FAM117B: variants seen among roughly 807,000 people sequenced by gnomAD.
FAM117B encodes protein FAM117B.
FAM117B carries 22 observed loss-of-function variants against 52.8 expected under a neutral mutation model. That is an observed-to-expected ratio of 0.42 (90% CI 0.30 to 0.59). The LOEUF (loss-of-function observed/expected upper bound fraction) is 0.59, where lower values mean the gene tolerates loss of function less well. Ranked by LOEUF, FAM117B falls within the 20% of genes least tolerant of loss-of-function variation. The pLI is 0.22. For synonymous variants in FAM117B, 309 were observed against 324.1 expected (o/e 0.95, Z 0.50); for missense variants, 678 against 802.6 (o/e 0.84, Z 1.88).
At chr2:202,720,016 A>G (rs1279687742) in intron 2 of FAM117B, among the ~76,000 whole-genome samples, 3 of 152,152 alleles carry the variant, frequency 2.0e-5, no homozygotes, top group Non-Finnish European at 4.4e-5. Flanking sequence ...AGTGATGTTA[A>G]GTTTGATCCA....
intron 2 of FAM117B, among the ~76,000 whole-genome samples, chr2:202,714,610 T>C (rs1217349739): frequency 5.5e-4 from 78 of 142,880 alleles, no homozygotes; most frequent in Non-Finnish European, 1.0e-3. Context: ...AGGACAATAG[T>C]GGAGGGAAGG....
chr2:202,686,601 A>G (rs1358706816), intron 1 of FAM117B, among the ~76,000 whole-genome samples: 1 of 152,114 alleles, frequency 6.6e-6, no homozygotes, highest in Non-Finnish European at 1.5e-5. Context: ...TGAGGTCAGG[A>G]GTTTGAGACC....
intron 1 of FAM117B, among the ~76,000 whole-genome samples, chr2:202,668,222 A>C (rs922600795): frequency 6.9e-6 from 1 of 145,502 alleles, no homozygotes; most frequent in South Asian, 2.1e-4. Flanking sequence ...AATATACAAT[A>C]TAATATATAT....
At chr2:202,755,829 G>A in intron 5 of FAM117B, 148 bp downstream of exon 5, 1 of 774,004 alleles carries the variant, frequency 1.3e-6, no homozygotes, top group Non-Finnish European at 2.0e-6. Flanking sequence ...ACCTGGGTGA[G>A]TGAATGAAAA....
At chr2:202,704,421 A>G (rs755127458) in intron 2 of FAM117B, among the ~76,000 whole-genome samples, 12 of 152,178 alleles carry the variant, frequency 7.9e-5, no homozygotes, top group Admixed American at 1.3e-4. Context: ...GCTGAGACTG[A>G]TAAGTGATTT....
chr2:202,715,236 G>T (rs1443300770), intron 2 of FAM117B, among the ~76,000 whole-genome samples: 1 of 151,258 alleles, frequency 6.6e-6, no homozygotes, highest in Admixed American at 6.6e-5. Context: ...CCCGGACGGG[G>T]CGGCTGGCCG....
In FAM117B at chr2:202,724,897, C is replaced by T; in HGVS notation, c.754-20C>T. On this transcript the variant is annotated intron_variant, in intron 2 of 7. Coordinates refer to ENST00000392238, the MANE Select transcript of FAM117B (RefSeq NM_173511.4). ...GAAATGATTTTTGTTAAATACACCT[C>T]CCCTCTTTTTTCATTACAGACAGAG... 1.3e-6 allele frequency: 2 copies of T among 1,566,300 alleles called. No individual in the cohort carries two copies. The highest frequency in any genetic ancestry group is 1.4e-5 in the African/African-American group (1 of 73,766).
chr2:202,751,771 CAAAAAA>C (rs397868272), intron 4 of FAM117B, among the ~76,000 whole-genome samples: 1 of 76,216 alleles, frequency 1.3e-5, no homozygotes, highest in Admixed American at 1.8e-4. Context: ...GACTCCATCT[CAAAAAA>C]AAAAAAAAAA....
chr2:202,719,595 A>G (rs1031542965), intron 2 of FAM117B, among the ~76,000 whole-genome samples: 1 of 152,212 alleles, frequency 6.6e-6, no homozygotes, highest in Non-Finnish European at 1.5e-5. Flanking sequence ...CATGTATATG[A>G]ACAGGGACTT....
intron 1 of FAM117B, among the ~76,000 whole-genome samples, chr2:202,640,679 G>T (rs185251718): frequency 6.6e-6 from 1 of 151,236 alleles, no homozygotes; most frequent in Non-Finnish European, 1.5e-5. Flanking sequence ...GCACGATCTC[G>T]GCTCACTGCA....
chr2:202,662,283 GC>G (rs1184855384), intron 1 of FAM117B, among the ~76,000 whole-genome samples: 1 of 152,016 alleles, frequency 6.6e-6, no homozygotes, highest in Non-Finnish European at 1.5e-5. Context: ...AATAATCCAG[GC>G]ACAGAAATAC....
chr2:202,700,116 A>T (rs1047063556), intron 2 of FAM117B, among the ~76,000 whole-genome samples: 2 of 152,184 alleles, frequency 1.3e-5, no homozygotes, highest in African/African-American at 4.8e-5. Context: ...ACAGTATTGA[A>T]ATTAGACAAA....
chr2:202,746,669 A>C (rs1438233712), intron 4 of FAM117B, among the ~76,000 whole-genome samples: 1 of 152,286 alleles, frequency 6.6e-6, no homozygotes, highest in East Asian at 1.9e-4. Flanking sequence ...TCATTGACAC[A>C]TACAGCCTAC....
At chr2:202,642,881 A>G (rs1280615495) in intron 1 of FAM117B, among the ~76,000 whole-genome samples, 2 of 152,224 alleles carry the variant, frequency 1.3e-5, no homozygotes. Flanking sequence ...AAGAAAAGCC[A>G]GTGAAGAAAC....
At chr2:202,646,422 C>T (rs1433360536) in intron 1 of FAM117B, among the ~76,000 whole-genome samples, 2 of 152,198 alleles carry the variant, frequency 1.3e-5, no homozygotes, top group South Asian at 4.1e-4. Context: ...CGCAGGGACT[C>T]CCAAAAGTAG....
chr2:202,669,809 T>G (rs1032586461), intron 1 of FAM117B, among the ~76,000 whole-genome samples: 29 of 152,310 alleles, frequency 1.9e-4, no homozygotes, highest in African/African-American at 6.7e-4. Flanking sequence ...TTATCCAGTT[T>G]GTTGGATTTT....
intron 1 of FAM117B, among the ~76,000 whole-genome samples, chr2:202,692,050 C>T (rs1237138520): frequency 6.6e-6 from 1 of 152,064 alleles, no homozygotes; most frequent in Non-Finnish European, 1.5e-5. Context: ...GTTGCTGTAA[C>T]TATTGTATTA....
Position 202,695,909 on chromosome 2 carries a change from C to A in FAM117B, c.630C>A (p.Ser210Arg). 6.2e-7 allele frequency: 1 copy of A among 1,610,042 alleles called. No homozygotes were observed. Among genetic ancestry groups the A allele is most frequent in the East Asian group, 2.2e-5 (1 of 44,728 alleles). ...AGDKTRQPSS[S>R]PSSIIRRTSS... The stretch of plus-strand genomic sequence containing the variant: ...ACAAAACACGACAGCCTTCTTCAAG[C>A]CCCTCCAGTATTATCCGACGCACTT... The change falls in exon 2 of 8, where the codon AGC (serine) becomes AGA (arginine). Residue 210 changes from serine (S) to arginine (R), a missense_variant. Coordinates refer to ENST00000392238, the MANE Select transcript of FAM117B (RefSeq NM_173511.4).
Position 202,635,403 on chromosome 2 carries a change from C to G in FAM117B, c.216C>G (p.Gly72=). Reference sequence around the variant, plus strand: ...ACAACAACGGTGGCTGCTGTGGTGGCGCCTCAGGCCCCGCAGGCGGCGGCG... The same window carrying G: ...ACAACAACGGTGGCTGCTGTGGTGGGGCCTCAGGCCCCGCAGGCGGCGGCG... ...GGNNNGGCCG[G]ASGPAGGGGG... Residue 72 remains glycine (G), a synonymous_variant, in exon 1 of 8, where the codon GGC becomes GGG. Transcript: ENST00000392238. 7.9e-7 allele frequency: 1 copy of G among 1,272,264 alleles called. No individual in the cohort carries two copies. The allele number at this position is 1,272,264 out of a possible 1,614,324, so 78.8% of individuals were successfully genotyped here. A position where few individuals can be genotyped will look rare whatever the true frequency, so the allele number is the denominator to read the frequency against.
Sources: allele counts gnomAD v4.1 joint callset (sites outside exome capture counted in the v4.1 genomes callset), GRCh38; gene constraint gnomAD v4.1.1; transcripts MANE v1.5; gene names NCBI Gene and HGNC (gene_info 2026-07-23, HGNC 2026-07-21).